The following MACF1 variants were observed in gnomAD, a reference collection of about 807,000 sequenced individuals.
MACF1 encodes microtubule actin crosslinking factor 1.
MACF1 carries 193 observed loss-of-function variants against 854.8 expected under a neutral mutation model. The ratio of observed to expected loss-of-function variants is 0.23; its 90% CI spans 0.20 to 0.25. The LOEUF (loss-of-function observed/expected upper bound fraction) is 0.25, where lower values mean the gene tolerates loss of function less well. Ranked by LOEUF, MACF1 falls within the 10% of genes least tolerant of loss-of-function variation. The probability of loss-of-function intolerance (pLI) is 1.00; values close to 1 mark genes in which losing one functional copy is unlikely to be tolerated. For missense variants in MACF1, 7,722 were observed against 8,929.1 expected (o/e 0.86, Z 5.45); for synonymous variants, 3,185 against 3,226.7 (o/e 0.99, Z 0.44).
rs183998355 is a variant in MACF1, at chr1:39,301,023, T to A, written c.2634+661T>A. On this transcript the variant is annotated intron_variant, in intron 22 of 100. Coordinates refer to ENST00000564288, the MANE Select transcript of MACF1 (RefSeq NM_001394062.1). ...GAGTGAAACTCTGTCTCAAAAAAAA[T>A]AAAAGGCATAAGTTTCTTTCACTTG... Among the ~76,000 whole-genome samples, 3 of 148,990 alleles carry A rather than the reference T, an allele frequency of 2.0e-5. No homozygotes were observed. The Admixed American group carries it at 2.4e-4, about 12-fold the overall frequency.
chr1:39,301,414 C>G (rs1646037925), intron 22 of MACF1, among the ~76,000 whole-genome samples: 1 of 150,480 alleles, frequency 6.6e-6, no homozygotes, highest in South Asian at 2.1e-4. Context: ...GCGTGAGCCA[C>G]CGCGCCCAGC....
chr1:39,427,368 A>G (rs1281940202), intron 61 of MACF1, 87 bp from the exon 62 acceptor site: 1 of 1,148,364 alleles, frequency 8.7e-7, no homozygotes, highest in Non-Finnish European at 1.2e-6. Flanking sequence ...ATACCTGGAA[A>G]AGACTATTCT....
intron 6 of MACF1, among the ~76,000 whole-genome samples, chr1:39,275,494 G>T (rs1449888205): frequency 1.3e-5 from 2 of 152,074 alleles, no homozygotes; most frequent in Non-Finnish European, 2.9e-5. Context: ...CAAGCTTGTA[G>T]CTGGGACTGC....
chr1:39,392,276 G>C (rs985714223), intron 58 of MACF1, among the ~76,000 whole-genome samples: 2 of 152,116 alleles, frequency 1.3e-5, no homozygotes, highest in African/African-American at 2.4e-5. Flanking sequence ...TCCCCAGGAG[G>C]CCGCATAAAG....
intron 1 of MACF1, among the ~76,000 whole-genome samples, chr1:39,209,734 G>A (rs1207201119): frequency 6.6e-6 from 1 of 151,990 alleles, no homozygotes; most frequent in East Asian, 1.9e-4. Flanking sequence ...ATGAATTGTT[G>A]TTGTCTCCCT....
chr1:39,229,407 G>T (rs1161352818), intron 1 of MACF1, among the ~76,000 whole-genome samples: 1 of 152,204 alleles, frequency 6.6e-6, no homozygotes, highest in African/African-American at 2.4e-5. Flanking sequence ...AACAAGCATT[G>T]ACATTGTTTG....
rs71060310 is a variant in MACF1 at position 39,331,172 on chromosome 1, CTTTTTTTTTTTTTTTT to C, written c.4615-18_4615-3del. The C allele has an allele frequency of 1.8e-5, 23 of 1,302,838 alleles. No homozygotes were observed. Among genetic ancestry groups the C allele is most frequent in the African/African-American group, 1.4e-4 (7 of 48,804 alleles). The allele number at this position is 1,302,838 out of a possible 1,614,324, so 80.7% of individuals were successfully genotyped here. ...TCAGTTTTCTTTTTCTTCTCTTTTC[CTTTTTTTTTTTTTTTT>C]TTTTTTTTTTTTAGGAATGCAGAGC... On this transcript the variant is annotated splice_polypyrimidine_tract_variant and intron_variant, in intron 36 of 100. Transcript: ENST00000564288.
At chr1:39,209,710 G>T (rs1644493996) in intron 1 of MACF1, among the ~76,000 whole-genome samples, 1 of 151,962 alleles carries the variant, frequency 6.6e-6, no homozygotes, top group Non-Finnish European at 1.5e-5. Flanking sequence ...TTATAAAATG[G>T]CCAAACCTTG....
chr1:39,095,349 T>C (rs1055856302), intron 2 of MACF1, among the ~76,000 whole-genome samples: 2 of 146,322 alleles, frequency 1.4e-5, no homozygotes, highest in African/African-American at 2.5e-5. Flanking sequence ...GATCATGAGG[T>C]CAACAGATCG....
At position 39,333,065 on chromosome 1, in the gene MACF1, A is replaced by C. The variant is rs1286535530; in HGVS notation, c.6477A>C (p.Glu2159Asp). 1 of 1,614,134 alleles carries C rather than the reference A, an allele frequency of 6.2e-7. No individual in the cohort carries two copies. Among genetic ancestry groups the C allele is most frequent in the South Asian group, 1.1e-5 (1 of 91,078 alleles). Residue 2159 changes from glutamate to aspartate, a missense_variant, in exon 37 of 101, where the codon GAA becomes GAC. Transcript: ENST00000564288. ...TTTCTGTTGAAACACCAAAGAAAGA[A>C]CATCAACCTCTAAGAAACACTTCCT... ...DVFSVETPKK[E>D]HQPLRNTSFT...
chr1:39,411,598 G>T, intron 58 of MACF1: 1 of 1,613,928 alleles, frequency 6.2e-7, no homozygotes, highest in Non-Finnish European at 8.5e-7. Context: ...ACTTGTTTCA[G>T]ATTCAGCATG....
rs1211947457 is a variant in MACF1 at position 39,385,752 on chromosome 1, T to C, written c.14167T>C (p.Leu4723=). Reference sequence around the variant, plus strand: ...CCAACCAGAGGCTGTAAAGCAGCAATTGGAAGAGACCAGTGAAATTCGATC... The same window carrying C: ...CCAACCAGAGGCTGTAAAGCAGCAACTGGAAGAGACCAGTGAAATTCGATC... ...STQPEAVKQQ[L]EETSEIRSDL... Residue 4723 remains leucine (L), a synonymous_variant, in exon 57 of 101, where the codon TTG becomes CTG. Coordinates refer to ENST00000564288, the MANE Select transcript of MACF1 (RefSeq NM_001394062.1). The C allele has an allele frequency of 1.9e-6, 3 of 1,614,058 alleles. No individual in the cohort carries two copies. Among genetic ancestry groups the C allele is most frequent in the Admixed American group, 1.7e-5 (1 of 59,996 alleles).
At chr1:39,408,081 A>G (rs1449308827) in intron 58 of MACF1, among the ~76,000 whole-genome samples, 2 of 152,100 alleles carry the variant, frequency 1.3e-5, no homozygotes, top group Non-Finnish European at 2.9e-5. Flanking sequence ...TGAGATTTGA[A>G]ATACCCATGC....
chr1:39,173,321 G>A (rs1409165908), intron 2 of MACF1, among the ~76,000 whole-genome samples: 19 of 134,934 alleles, frequency 1.4e-4, no homozygotes, highest in Non-Finnish European at 1.5e-4. Flanking sequence ...GCCTGGTGAT[G>A]GAGCCAGACT....
intron 2 of MACF1, among the ~76,000 whole-genome samples, chr1:39,152,427 T>C (rs949504178): frequency 6.6e-6 from 1 of 152,186 alleles, no homozygotes; most frequent in Admixed American, 6.5e-5. Flanking sequence ...ATTGCTGTAA[T>C]TGTTAATTTT....
intron 2 of MACF1, among the ~76,000 whole-genome samples, chr1:39,190,411 T>G (rs950222854): frequency 2.1e-5 from 3 of 141,744 alleles, no homozygotes; most frequent in African/African-American, 7.6e-5. Context: ...GTTTTTTTTT[T>G]TTTTTTTTGA....
In MACF1 at chr1:39,285,401, G is replaced by A. The variant is rs142917385; in HGVS notation, c.1353+11G>A. ...AATACACTGCAGGCTGTAAGTCTCTGACTGTTTTGTCCAACATCTGTGTCA... is the reference window on the plus strand; with the variant it reads ...AATACACTGCAGGCTGTAAGTCTCTAACTGTTTTGTCCAACATCTGTGTCA... On this transcript the variant is annotated intron_variant, in intron 13 of 100. Coordinates refer to ENST00000564288, the MANE Select transcript of MACF1 (RefSeq NM_001394062.1). 1.7e-5 allele frequency: 27 copies of A among 1,612,988 alleles called. No individual in the cohort carries two copies. In the East Asian group the frequency reaches 6.0e-4, roughly 36 times the overall value.
intron 2 of MACF1, among the ~76,000 whole-genome samples, chr1:39,140,773 G>A (rs948203129): frequency 3.3e-5 from 5 of 151,912 alleles, no homozygotes; most frequent in African/African-American, 1.2e-4. Context: ...AAATTAGCAG[G>A]GCTTGGTGGC....
At chr1:39,337,474 G>A (rs1188239472) in intron 38 of MACF1, 143 bp downstream of exon 38, 1 of 736,036 alleles carries the variant, frequency 1.4e-6, no homozygotes, top group African/African-American at 1.8e-5. Flanking sequence ...ATAATTATGG[G>A]ATGGGCTACA....
Sources: gnomAD v4.1 joint callset for allele counts (sites outside exome capture counted in the v4.1 genomes callset) on GRCh38, gnomAD v4.1.1 for gene constraint, MANE v1.5 for transcripts, NCBI Gene and HGNC (gene_info 2026-07-23, HGNC 2026-07-21) for gene names.